Variants in UBR4 observed in about 807,000 individuals in gnomAD.
UBR4 encodes the protein E3 ubiquitin-protein ligase UBR4.
A neutral mutation model predicts 575.6 loss-of-function variants in UBR4; 124 were observed. That is an observed-to-expected ratio of 0.22 (90% CI 0.19 to 0.25). The LOEUF (loss-of-function observed/expected upper bound fraction) is 0.25. Among genes scored for constraint, UBR4 ranks in the 10% least tolerant of loss-of-function variants. The pLI is 1.00. For synonymous variants in UBR4, 2,455 were observed against 2,473.7 expected (o/e 0.99, Z 0.22); for missense variants, 4,818 against 6,478.8 (o/e 0.74, Z 8.80).
intron 78 of UBR4, among the ~76,000 whole-genome samples, chr1:19,111,281 G>A (rs1000232836): frequency 3.3e-5 from 5 of 152,102 alleles, no homozygotes; most frequent in Admixed American, 6.6e-5. Flanking sequence ...AACACAAACC[G>A]TATCACTCAC....
chr1:19,095,400 A>T (rs1570393786), intron 93 of UBR4, 145 bp downstream of exon 93: 3 of 786,066 alleles, frequency 3.8e-6, no homozygotes, highest in East Asian at 2.7e-5. Context: ...CAGCTGAATG[A>T]CCCAAGCCTC....
intron 37 of UBR4, among the ~76,000 whole-genome samples, 167 bp downstream of exon 37, chr1:19,161,422 T>C (rs1166139773): frequency 6.6e-6 from 1 of 152,212 alleles, no homozygotes; most frequent in Admixed American, 6.5e-5. Context: ...GGTTCTGATA[T>C]TCTAAATGAA....
chr1:19,183,760 TGGAAGCTG>T, intron 17 of UBR4, 43 bp downstream of exon 17: 1 of 1,554,794 alleles, frequency 6.4e-7, no homozygotes, highest in Non-Finnish European at 8.9e-7. Flanking sequence ...CTGCAGCCTA[TGGAAGCTG>T]GTGTCATGAG....
chr1:19,126,574 A>G lies in UBR4; in HGVS notation c.9310T>C (p.Ser3104Pro), dbSNP rs755054379. 9 of 1,614,148 alleles carry G rather than the reference A, an allele frequency of 5.6e-6. No individual in the cohort carries two copies. The South Asian group carries it at 9.9e-5, about 18-fold the overall frequency. Reference sequence around the variant, plus strand: ...TGGCTCTTCCAATATTCCAGCAGTGATTTGAGCACGTGCAGGCAGTAGTCC... The same window carrying G: ...TGGCTCTTCCAATATTCCAGCAGTGGTTTGAGCACGTGCAGGCAGTAGTCC... ...AVDYCLHVLK[S>P]LLEYWKSQQN... The change falls in exon 64 of 106, where the codon TCA becomes CCA. Residue 3104 changes from serine to proline, a missense_variant. This residue lies in a region of UBR4 where 550 missense variants were observed against 791.5 expected (regional missense o/e 0.69). Coordinates refer to ENST00000375254, the MANE Select transcript of UBR4 (RefSeq NM_020765.3).
chr1:19,086,537 G>C (rs2077034142), intron 100 of UBR4, 142 bp downstream of exon 100: 1 of 1,279,720 alleles, frequency 7.8e-7, no homozygotes, highest in East Asian at 2.4e-5. Context: ...AACTGCTTGG[G>C]GACCTATATG....
chr1:19,193,104 T>C (rs898273222), intron 9 of UBR4, among the ~76,000 whole-genome samples: 1 of 152,144 alleles, frequency 6.6e-6, no homozygotes, highest in Non-Finnish European at 1.5e-5. Context: ...CAATGTATTG[T>C]TTCAGCGCAC....
chr1:19,186,303 G>A (rs2091519414), intron 14 of UBR4, among the ~76,000 whole-genome samples: 1 of 152,202 alleles, frequency 6.6e-6, no homozygotes, highest in South Asian at 2.1e-4. Context: ...GGAGGGAAAG[G>A]AATGAAAAGT....
chr1:19,117,167 C>CTGAGCT lies in UBR4; in HGVS notation c.10823+48_10823+53dup. 1 of 1,586,730 alleles carries CTGAGCT rather than the reference C, an allele frequency of 6.3e-7. No homozygotes were observed. The highest frequency in any genetic ancestry group is 8.6e-7 in the Non-Finnish European group (1 of 1,163,318). Reference sequence around the variant, plus strand: ...CCATTCCAGGAACCGAAGGCAGCAACTGAGCTTCAGCCTTACAACCTGCTG... The same window carrying CTGAGCT: ...CCATTCCAGGAACCGAAGGCAGCAACTGAGCTTGAGCTTCAGCCTTACAACCTGCTG... On this transcript the variant is annotated intron_variant, in intron 73 of 105. Coordinates refer to ENST00000375254, the MANE Select transcript of UBR4 (RefSeq NM_020765.3). This position sits in a 1 kb window ranked among gnomAD's most constrained non-coding sequence, Gnocchi z 4.0.
intron 64 of UBR4, among the ~76,000 whole-genome samples, chr1:19,125,254 G>GT (rs1202209023): frequency 6.6e-6 from 1 of 152,208 alleles, no homozygotes; most frequent in Non-Finnish European, 1.5e-5. Flanking sequence ...AAAAGAATCT[G>GT]TAAGAGTTTG....
chr1:19,202,338 C>T (rs1479403712), intron 1 of UBR4, among the ~76,000 whole-genome samples: 1 of 152,144 alleles, frequency 6.6e-6, no homozygotes, highest in East Asian at 1.9e-4. Flanking sequence ...AAAGACCTAA[C>T]AGGATATCAA....
Position 19,153,305 on chromosome 1 carries a change from T to C in UBR4, c.6828A>G (p.Thr2276=), listed in dbSNP as rs7548379. The C allele has an allele frequency of 5.2e-4, 842 of 1,614,158 alleles. 4 individuals are homozygous for C. In the African/African-American group the frequency reaches 0.01, roughly 20 times the overall value. ...TCATCTGAGAAGGAGCCTTACTGAT[T>C]GTAGCTGTTTTGCGCTTTCGAACAG... is the stretch of plus-strand genomic sequence containing the variant. ...MKPVRKRKTA[T]ITTRTSSQVT... The change falls in exon 46 of 106, where the codon ACA becomes ACG. Residue 2276 remains threonine, a synonymous_variant. Coordinates refer to ENST00000375254, the MANE Select transcript of UBR4 (RefSeq NM_020765.3). This position sits in a 1 kb window ranked among gnomAD's most constrained non-coding sequence, Gnocchi z 4.1.
rs775440575 is a variant in UBR4, at chr1:19,163,754, C to T, written c.4764+10G>A. The T allele has an allele frequency of 1.2e-6, 2 of 1,614,048 alleles. No individual in the cohort carries two copies. Among genetic ancestry groups the T allele is most frequent in the Non-Finnish European group, 1.7e-6 (2 of 1,179,898 alleles). ...CTTCACCCCCCATTGTCATTCCTCA[C>T]TTTTCTTACCTTTCCATGCATTACA... On this transcript the variant is annotated intron_variant, in intron 34 of 105. Coordinates refer to ENST00000375254, the MANE Select transcript of UBR4 (RefSeq NM_020765.3).
At chr1:19,144,932 G>C in intron 53 of UBR4, 25 bp from the exon 54 acceptor site, 1 of 1,611,194 alleles carries the variant, frequency 6.2e-7, no homozygotes, top group Non-Finnish European at 8.5e-7. Flanking sequence ...AACATTATTT[G>C]AAAATCTGGA....
chr1:19,107,123 G>A (rs994552760), intron 81 of UBR4, among the ~76,000 whole-genome samples, 157 bp from the exon 82 acceptor site: 19 of 152,158 alleles, frequency 1.2e-4, no homozygotes, highest in African/African-American at 4.3e-4. Flanking sequence ...ATGTGTTCCT[G>A]TTAAACCATT....
chr1:19,166,066 C>T (rs2088314732), intron 29 of UBR4, among the ~76,000 whole-genome samples: 1 of 152,202 alleles, frequency 6.6e-6, no homozygotes, highest in Non-Finnish European at 1.5e-5. Flanking sequence ...TTGGACAAAT[C>T]ATTTCTACAC....
chr1:19,146,193 T>C (rs1473203955), intron 52 of UBR4: 1 of 1,138,844 alleles, frequency 8.8e-7, no homozygotes, highest in Non-Finnish European at 1.2e-6. Context: ...GATTCAAAGA[T>C]CTCAGTTCCA....
Position 19,139,007 on chromosome 1 carries a change from C to A in UBR4, c.8731+76G>T. 1 of 1,488,122 alleles carries A rather than the reference C, an allele frequency of 6.7e-7. No homozygotes were observed. Among genetic ancestry groups the A allele is most frequent in the East Asian group, 2.4e-5 (1 of 41,902 alleles). 92.2% of individuals were successfully genotyped at this position (1,488,122 alleles called of 1,614,324 possible). On this transcript the variant is annotated intron_variant, in intron 59 of 105. Transcript: ENST00000375254. This position sits in a 1 kb window ranked among gnomAD's most constrained non-coding sequence, Gnocchi z 4.2. ...ACCTTTTCTTTGCAAAAACCAACCC[C>A]AAGACCCAAGCAGAGATTCCTGTTT...
intron 44 of UBR4, among the ~76,000 whole-genome samples, chr1:19,154,283 G>A (rs765430006): frequency 6.6e-6 from 1 of 152,192 alleles, no homozygotes; most frequent in Non-Finnish European, 1.5e-5. Flanking sequence ...CAAACACATC[G>A]AGTTAGTGTG....
chr1:19,095,590 T>C lies in UBR4; in HGVS notation c.13581A>G (p.Lys4527=), dbSNP rs372203263. The part of the protein sequence containing the change: ...KVKVNRQQLV[K]LEMNTLNVML... ...TGACGTTCAAGGTGTTCATTTCCAG[T>C]TTGACCAGTTGCTGCCGGTTGACTT... The change falls in exon 93 of 106, where the codon AAA becomes AAG. Residue 4527 remains lysine, a synonymous_variant. Coordinates refer to ENST00000375254, the MANE Select transcript of UBR4 (RefSeq NM_020765.3). The C allele has an allele frequency of 5.6e-6, 9 of 1,614,026 alleles. No individual in the cohort carries two copies. The African/African-American group carries it at 1.2e-4, about 22-fold the overall frequency.
Sources: gnomAD v4.1 joint callset for allele counts (sites outside exome capture counted in the v4.1 genomes callset) on GRCh38, gnomAD v4.1.1 for gene constraint, gnomAD v4.1.1 regional missense constraint, Gnocchi (gnomAD v3.1) non-coding constraint, MANE v1.5 for transcripts, NCBI Gene and HGNC (gene_info 2026-07-23, HGNC 2026-07-21) for gene names.